Variants in CDH11 observed in about 807,000 individuals in gnomAD.
CDH11 encodes the protein cadherin 11.
In CDH11, 11 loss-of-function variants were observed where a neutral mutation model predicts 67.8. That is an observed-to-expected ratio of 0.16 (90% CI 0.10 to 0.27). The LOEUF (loss-of-function observed/expected upper bound fraction) is 0.27, where lower values mean the gene tolerates loss of function less well. CDH11 is among the 10% of genes least tolerant of loss of function. The probability of loss-of-function intolerance (pLI) is 1.00; values close to 1 mark genes in which losing one functional copy is unlikely to be tolerated. For synonymous variants in CDH11, 419 were observed against 400.0 expected (o/e 1.05, Z -0.57); for missense variants, 847 against 1,031.2 (o/e 0.82, Z 2.45).
chr16:64,989,005 C>T (rs1003602910), intron 6 of CDH11, among the ~76,000 whole-genome samples: 3 of 152,072 alleles, frequency 2.0e-5, no homozygotes, highest in Non-Finnish European at 4.4e-5. Context: ...AGGTACTGTC[C>T]TAGTGCCAGG....
chr16:65,113,128 A>C (rs1024844064), intron 1 of CDH11, among the ~76,000 whole-genome samples: 1 of 152,068 alleles, frequency 6.6e-6, no homozygotes, highest in Admixed American at 6.6e-5. Flanking sequence ...TCTACTAAAA[A>C]TACAAAAATT....
intron 1 of CDH11, among the ~76,000 whole-genome samples, chr16:65,115,571 A>C (rs1219039205): frequency 6.6e-6 from 1 of 152,070 alleles, no homozygotes; most frequent in Non-Finnish European, 1.5e-5. Flanking sequence ...GAATCCTAGG[A>C]TATAGATATT....
rs376812603 is a variant in CDH11, at chr16:64,950,915, C to G, written c.1746G>C (p.Met582Ile). 1.2e-6 allele frequency: 2 copies of G among 1,614,116 alleles called. No individual in the cohort carries two copies. Among genetic ancestry groups the G allele is most frequent in the Admixed American group, 3.3e-5 (2 of 60,010 alleles). Residue 582 changes from methionine to isoleucine, a missense_variant, in exon 12 of 13, where the codon ATG becomes ATC. By Grantham distance (10) the Met-to-Ile change is conservative. Around this residue, in one of 2 missense-constraint regions of CDH11, gnomAD observed 612 missense variants for 678.7 expected, o/e 0.90. Transcript: ENST00000268603. ...TGATGGTGAGGGTGTTGGTGCTACTCATGGGCGGGATGCCGCCATCGCTGA... is the reference window on the plus strand; with the variant it reads ...TGATGGTGAGGGTGTTGGTGCTACTGATGGGCGGGATGCCGCCATCGCTGA... ...IVISDGGIPP[M>I]SSTNTLTIKV... is the part of the protein sequence containing the mutation.
rs560707230 is a variant in CDH11 at position 65,082,513 on chromosome 16, GACTGGT to G, written c.-297-28591_-297-28586del. ...CCACACTGAAGTCAGGGCTCTCTCTGACTGGTCATTGTAGCCTCAACCCACGTGTAA... is the reference window on the plus strand; with the variant it reads ...CCACACTGAAGTCAGGGCTCTCTCTGCATTGTAGCCTCAACCCACGTGTAA... On this transcript the variant is annotated intron_variant, in intron 1 of 12. Transcript: ENST00000268603. Among the ~76,000 whole-genome samples the G allele has an allele frequency of 3.4e-3, 512 of 152,284 alleles. 1 individual carries two copies. The highest frequency in any genetic ancestry group is 0.012 in the African/African-American group (497 of 41,560).
intron 7 of CDH11, 27 bp downstream of exon 7, chr16:64,988,130 C>T (rs1329516135): frequency 8.9e-6 from 14 of 1,567,932 alleles, no homozygotes; most frequent in Middle Eastern, 1.7e-4. Flanking sequence ...ATACCACTGA[C>T]ACGTCTGATT....
intron 2 of CDH11, among the ~76,000 whole-genome samples, chr16:65,035,220 T>A (rs1265421946): frequency 6.6e-6 from 1 of 152,238 alleles, no homozygotes; most frequent in African/African-American, 2.4e-5. Flanking sequence ...CCTAATCCCT[T>A]GCATCAGGGA....
At chr16:64,973,195 C>T (rs755379930) in intron 8 of CDH11, among the ~76,000 whole-genome samples, 155 bp from the exon 9 acceptor site, 3 of 152,146 alleles carry the variant, frequency 2.0e-5, no homozygotes, top group South Asian at 2.1e-4. Context: ...ACTTTGTACA[C>T]GATTCTTTTA....
At chr16:64,961,889 T>C (rs2071684012) in intron 11 of CDH11, among the ~76,000 whole-genome samples, 1 of 152,116 alleles carries the variant, frequency 6.6e-6, no homozygotes, top group South Asian at 2.1e-4. Context: ...GGAAGTTCTG[T>C]CTCTCTCACA....
chr16:65,069,430 T>C (rs1316697096), intron 1 of CDH11, among the ~76,000 whole-genome samples: 1 of 152,224 alleles, frequency 6.6e-6, no homozygotes, highest in East Asian at 1.9e-4. Context: ...GTTAAGGTAT[T>C]GTCTGTTCTG....
rs1317942841 is a variant in CDH11, at chr16:64,947,080, T to A, written c.*523A>T. On this transcript the variant is annotated 3_prime_UTR_variant, in exon 13 of 13. Coordinates refer to ENST00000268603, the MANE Select transcript of CDH11 (RefSeq NM_001797.4). ...CAAGAATCAGCAGTAACAAGATTGA[T>A]GCTCAAGAGACATAATTGTACATTG... 6.8e-6 allele frequency: 7 copies of A among 1,033,520 alleles called. No individual in the cohort carries two copies. The African/African-American group carries it at 8.4e-5, about 12-fold the overall frequency. 64.0% of individuals were successfully genotyped at this position (1,033,520 alleles called of 1,614,324 possible).
rs1034494514 is a variant in CDH11 at position 64,993,386 on chromosome 16, C to T, written c.524-352G>A. 9.2e-5 allele frequency among the ~76,000 whole-genome samples: 14 copies of T among 152,248 alleles called. 1 individual carries two copies. Among genetic ancestry groups the T allele is most frequent in the Admixed American group, 4.6e-4 (7 of 15,288 alleles). ...AAATGTTCAGTATATCAAATAATTA[C>T]ATTAAAATCTTCCCAGAGTATAATA... On this transcript the variant is annotated intron_variant, in intron 4 of 12. Transcript: ENST00000268603.
intron 1 of CDH11, among the ~76,000 whole-genome samples, chr16:65,078,637 A>T (rs112951041): frequency 8.6e-4 from 131 of 152,284 alleles, no homozygotes; most frequent in African/African-American, 3.0e-3. Context: ...AGTCTAATAG[A>T]CATTTTTTTG....
chr16:65,041,373 AAGAATAAT>A (rs762292635), intron 2 of CDH11, among the ~76,000 whole-genome samples: 10,540 of 152,140 alleles, frequency 0.069, 829 homozygotes, highest in East Asian at 0.24. Flanking sequence ...ACAAGCTGTG[AAGAATAAT>A]CATGTTCCAT....
intron 1 of CDH11, among the ~76,000 whole-genome samples, chr16:65,115,220 C>A (rs977279760): frequency 5.9e-5 from 9 of 152,084 alleles, no homozygotes; most frequent in Non-Finnish European, 1.3e-4. Flanking sequence ...AGGAGGCAGG[C>A]AGTGTTCAAA....
At chr16:65,044,742 G>A (rs1890480255) in intron 2 of CDH11, among the ~76,000 whole-genome samples, 1 of 152,034 alleles carries the variant, frequency 6.6e-6, no homozygotes. Context: ...GGGAGGGAGG[G>A]GAAGGGAGGC....
chr16:65,065,331 A>T (rs2074296251), intron 1 of CDH11, among the ~76,000 whole-genome samples: 1 of 152,260 alleles, frequency 6.6e-6, no homozygotes, highest in Admixed American at 6.5e-5. Context: ...ACAAAGGTGC[A>T]TACAGTACAA....
chr16:64,987,057 T>C (rs2072504926), intron 7 of CDH11: 1 of 152,196 alleles, frequency 6.6e-6, no homozygotes, highest in Non-Finnish European at 1.5e-5. Flanking sequence ...GAGTTTAATA[T>C]TCATGCTATA....
At chr16:64,953,938 G>A (rs1483174763) in intron 11 of CDH11, among the ~76,000 whole-genome samples, 1 of 152,210 alleles carries the variant, frequency 6.6e-6, no homozygotes, top group Non-Finnish European at 1.5e-5. Context: ...TGTTATGGCT[G>A]GAGGGTATGG....
rs2075341526 is a variant in CDH11, at chr16:65,122,003, C to CATCTGCT, written c.-422_-421insAGCAGAT. The CATCTGCT allele has an allele frequency of 1.4e-6, 1 of 699,610 alleles. No homozygotes were observed. Among genetic ancestry groups the CATCTGCT allele is most frequent in the Non-Finnish European group, 2.6e-6 (1 of 383,646 alleles). 43.3% of individuals were successfully genotyped at this position (699,610 alleles called of 1,614,324 possible). A position where few individuals can be genotyped will look rare whatever the true frequency, so the allele number is the denominator to read the frequency against. On this transcript the variant is annotated 5_prime_UTR_variant, in exon 1 of 13. The change creates a new upstream start codon in the 5' untranslated region. Coordinates refer to ENST00000268603, the MANE Select transcript of CDH11 (RefSeq NM_001797.4). ...ACAAGTCAGCGGCGGCTGCGAGCGG[C>CATCTGCT]CCCCGCGGCATCTGCTCCTCGGCCC...
Sources: allele counts gnomAD v4.1 joint callset (sites outside exome capture counted in the v4.1 genomes callset), GRCh38; gene constraint gnomAD v4.1.1; regional missense constraint gnomAD v4.1.1; transcripts MANE v1.5; gene names NCBI Gene and HGNC (gene_info 2026-07-23, HGNC 2026-07-21).